Variants in CNBD1 observed in about 807,000 individuals in gnomAD.
CNBD1 encodes cyclic nucleotide binding domain containing 1.
CNBD1 carries 71 observed loss-of-function variants against 54.4 expected under a neutral mutation model. The ratio of observed to expected loss-of-function variants is 1.30; its 90% CI spans 1.08 to 1.59. CNBD1 has a LOEUF of 1.59. Ranked by LOEUF, CNBD1 falls within the 40% of genes most tolerant of loss-of-function variation. The pLI, the probability that CNBD1 is intolerant of heterozygous loss-of-function variation, is 0.00. For missense variants in CNBD1, 659 were observed against 518.0 expected, an observed-to-expected ratio of 1.27 and a Z score of -2.64; for synonymous variants, 182 against 170.7, an observed-to-expected ratio of 1.07 and a Z score of -0.51.
intron 4 of CNBD1, among the ~76,000 whole-genome samples, chr8:87,152,589 C>T (rs563814615): frequency 5.3e-5 from 8 of 152,048 alleles, no homozygotes; most frequent in Non-Finnish European, 1.0e-4. Context: ...ACCTTATATT[C>T]CTGAGTGAGA....
chr8:87,384,395 T>C (rs564095902), downstream of CNBD1, among the ~76,000 whole-genome samples: 1 of 152,044 alleles, frequency 6.6e-6, no homozygotes, highest in African/African-American at 2.4e-5. Flanking sequence ...AAAATATATA[T>C]AATATTATAT....
intron 2 of CNBD1, among the ~76,000 whole-genome samples, chr8:87,388,762 T>G (rs1414021225): frequency 2.0e-5 from 3 of 152,162 alleles, no homozygotes; most frequent in African/African-American, 7.2e-5. Flanking sequence ...GAGGCCTACA[T>G]TATCCTGATA....
intron 6 of CNBD1, among the ~76,000 whole-genome samples, chr8:87,269,722 C>A (rs1415139288): frequency 6.6e-6 from 1 of 151,920 alleles, no homozygotes; most frequent in Non-Finnish European, 1.5e-5. Flanking sequence ...CTGGAAGAAA[C>A]TGAAATCCTG....
chr8:87,409,710 G>C (rs1807707708), intron 2 of CNBD1, among the ~76,000 whole-genome samples: 1 of 152,004 alleles, frequency 6.6e-6, no homozygotes, highest in South Asian at 2.1e-4. Context: ...GAAAACCCAG[G>C]GGCTTAAGAA....
At chr8:87,245,467 T>C (rs1198482886) in intron 6 of CNBD1, among the ~76,000 whole-genome samples, 2 of 20,304 alleles carry the variant, frequency 9.9e-5, no homozygotes, top group African/African-American at 7.3e-4. Context: ...TTTGTTTCTT[T>C]ACATCTTCCC....
At chr8:86,996,668 A>T (rs962014915) in intron 4 of CNBD1, among the ~76,000 whole-genome samples, 4 of 152,248 alleles carry the variant, frequency 2.6e-5, no homozygotes, top group African/African-American at 9.6e-5. Context: ...GGGAGAGGAT[A>T]TTAAGCAGAA....
At chr8:86,924,903 A>G (rs1003754578) in intron 3 of CNBD1, among the ~76,000 whole-genome samples, 9 of 152,150 alleles carry the variant, frequency 5.9e-5, no homozygotes, top group African/African-American at 2.2e-4. Flanking sequence ...ACTTTAGCCT[A>G]AAGAATACAT....
intron 8 of CNBD1, among the ~76,000 whole-genome samples, chr8:87,320,270 T>A (rs1563550606): frequency 6.6e-6 from 1 of 152,160 alleles, no homozygotes; most frequent in South Asian, 2.1e-4. Context: ...GTTTTGTGCA[T>A]GATAGGAGTT....
intron 6 of CNBD1, among the ~76,000 whole-genome samples, chr8:87,241,348 G>A (rs971110925): frequency 2.9e-5 from 4 of 136,608 alleles, no homozygotes; most frequent in Non-Finnish European, 4.5e-5. Context: ...TCGGCTCACT[G>A]CAAGCTCTGC....
At chr8:86,876,234 T>G (rs534423606) in intron 1 of CNBD1, among the ~76,000 whole-genome samples, 14 of 151,694 alleles carry the variant, frequency 9.2e-5, no homozygotes, top group Non-Finnish European at 1.9e-4. Flanking sequence ...GAAAACTGCT[T>G]TGAGATTATT....
At chr8:87,222,193 T>A (rs1307230613) in intron 5 of CNBD1, among the ~76,000 whole-genome samples, 2 of 152,160 alleles carry the variant, frequency 1.3e-5, no homozygotes, top group Non-Finnish European at 2.9e-5. Flanking sequence ...TTTATCTTAT[T>A]CCTCAATAGA....
chr8:86,994,724 C>A (rs1398661698), intron 4 of CNBD1, among the ~76,000 whole-genome samples: 1 of 151,904 alleles, frequency 6.6e-6, no homozygotes, highest in Non-Finnish European at 1.5e-5. Flanking sequence ...TTCTCTTCAG[C>A]CTCAATGTGT....
At chr8:86,934,236 A>G (rs1324943287) in intron 3 of CNBD1, among the ~76,000 whole-genome samples, 1 of 152,092 alleles carries the variant, frequency 6.6e-6, no homozygotes, top group Non-Finnish European at 1.5e-5. Context: ...ACACATATAA[A>G]TTTTCATATT....
intron 4 of CNBD1, among the ~76,000 whole-genome samples, chr8:86,957,766 T>G (rs1437240306): frequency 6.6e-6 from 1 of 152,158 alleles, no homozygotes; most frequent in African/African-American, 2.4e-5. Flanking sequence ...TTTGTTGATC[T>G]TTTCAAAAAA....
At chr8:86,962,607 A>C (rs566678986) in intron 4 of CNBD1, among the ~76,000 whole-genome samples, 2 of 152,162 alleles carry the variant, frequency 1.3e-5, no homozygotes, top group African/African-American at 4.8e-5. Flanking sequence ...AACACGGTGA[A>C]ACACCGTCTC....
At chr8:87,280,528 T>C (rs531114500) in intron 6 of CNBD1, among the ~76,000 whole-genome samples, 14 of 151,730 alleles carry the variant, frequency 9.2e-5, no homozygotes, top group African/African-American at 3.4e-4. Flanking sequence ...AAACATGTTG[T>C]GCAAAGTTTA....
intron 4 of CNBD1, among the ~76,000 whole-genome samples, chr8:87,162,605 T>C (rs760583086): frequency 2.6e-5 from 4 of 151,560 alleles, no homozygotes; most frequent in Non-Finnish European, 5.9e-5. Flanking sequence ...TAACAAAATA[T>C]CTTAACTGGA....
At chr8:86,880,031 A>T (rs530370775) in intron 1 of CNBD1, among the ~76,000 whole-genome samples, 1 of 152,356 alleles carries the variant, frequency 6.6e-6, no homozygotes, top group East Asian at 1.9e-4. Flanking sequence ...TTAGAATTTT[A>T]GAAAGTACTG....
chr8:87,211,671 C>T (rs1223655987), intron 5 of CNBD1, among the ~76,000 whole-genome samples: 1 of 152,088 alleles, frequency 6.6e-6, no homozygotes, highest in African/African-American at 2.4e-5. Context: ...TCCATTTTAC[C>T]TTCTACTATG....
Sources: gnomAD v4.1 joint callset for allele counts (sites outside exome capture counted in the v4.1 genomes callset) on GRCh38, gnomAD v4.1.1 for gene constraint, MANE v1.5 for transcripts, NCBI Gene and HGNC (gene_info 2026-07-23, HGNC 2026-07-21) for gene names.